GTF2F2: variants seen among roughly 807,000 people sequenced by gnomAD.
The protein encoded by GTF2F2 is ATP-dependent helicase GTF2F2.
GTF2F2 carries 23 observed loss-of-function variants against 42.2 expected under a neutral mutation model. The ratio of observed to expected loss-of-function variants is 0.55; its 90% CI spans 0.39 to 0.77. The LOEUF is 0.77. GTF2F2 is among the 30% of genes least tolerant of loss of function. The pLI is 0.00. For synonymous variants in GTF2F2, 105 were observed against 100.8 expected (o/e 1.04, Z -0.25); for missense variants, 261 against 287.2 (o/e 0.91, Z 0.66).
intron 7 of GTF2F2, among the ~76,000 whole-genome samples, chr13:45,282,876 TAAC>T (rs1451991398): frequency 6.6e-6 from 1 of 152,188 alleles, no homozygotes; most frequent in Non-Finnish European, 1.5e-5. Flanking sequence ...TAAATACAAA[TAAC>T]AACTCTCCTT....
chr13:45,155,978 CT>C lies in GTF2F2; in HGVS notation c.304+4157del, dbSNP rs112988251. Reference sequence around the variant, plus strand: ...CTTTTATTCAAAGTTAGATTTTCTTCTTTTTTTTTTAGAGGCAGTGTCTCAC... The same window carrying C: ...CTTTTATTCAAAGTTAGATTTTCTTCTTTTTTTTTAGAGGCAGTGTCTCAC... On this transcript the variant is annotated intron_variant, in intron 4 of 7. Coordinates refer to ENST00000340473, the MANE Select transcript of GTF2F2 (RefSeq NM_004128.3). Among the ~76,000 whole-genome samples, 349 of 148,058 alleles carry C rather than the reference CT, an allele frequency of 2.4e-3. 3 individuals carry two copies. Among genetic ancestry groups the C allele is most frequent in the African/African-American group, 7.7e-3 (314 of 40,594 alleles).
chr13:45,218,062 G>A (rs1202399155), intron 5 of GTF2F2, among the ~76,000 whole-genome samples: 6 of 152,142 alleles, frequency 3.9e-5, no homozygotes, highest in Non-Finnish European at 2.9e-5. Flanking sequence ...TCTCCCCATG[G>A]GAAAGAAAGA....
intron 5 of GTF2F2, among the ~76,000 whole-genome samples, chr13:45,212,485 T>TTC (rs1873712645): frequency 7.4e-6 from 1 of 136,044 alleles, no homozygotes; most frequent in Middle Eastern, 3.4e-3. Flanking sequence ...CTTTCTTTCT[T>TTC]TCTTTCTTTC....
chr13:45,130,753 G>C (rs1032880954), intron 1 of GTF2F2, among the ~76,000 whole-genome samples: 15 of 152,192 alleles, frequency 9.9e-5, no homozygotes, highest in African/African-American at 3.6e-4. Flanking sequence ...ATTGCAGCAG[G>C]AGCAAGGTTT....
intron 4 of GTF2F2, among the ~76,000 whole-genome samples, chr13:45,198,498 G>A (rs1195415685): frequency 2.6e-5 from 4 of 152,150 alleles, no homozygotes; most frequent in East Asian, 1.9e-4. Flanking sequence ...TAGAAGCTGC[G>A]TTTGATAAGA....
At chr13:45,237,203 TGATTATAA>T (rs759976201) in intron 5 of GTF2F2, among the ~76,000 whole-genome samples, 10 of 152,210 alleles carry the variant, frequency 6.6e-5, no homozygotes, top group Non-Finnish European at 1.3e-4. Flanking sequence ...AAATTATAAT[TGATTATAA>T]TTAGCACTTC....
At chr13:45,160,178 C>T (rs540717655) in intron 4 of GTF2F2, among the ~76,000 whole-genome samples, 1 of 152,222 alleles carries the variant, frequency 6.6e-6, no homozygotes, top group Middle Eastern at 3.4e-3. Flanking sequence ...GGGAAGAGTG[C>T]CATTTTGCAG....
chr13:45,181,200 A>ACAAAC (rs1555267024), intron 4 of GTF2F2, among the ~76,000 whole-genome samples: 5 of 132,828 alleles, frequency 3.8e-5, no homozygotes, highest in African/African-American at 1.4e-4. Context: ...AAAAAAAAAA[A>ACAAAC]AAACCAGAAA....
chr13:45,135,036 C>G lies in GTF2F2; in HGVS notation c.67-1697C>G, dbSNP rs183908678. Among the ~76,000 whole-genome samples, 20 of 152,144 alleles carry G rather than the reference C, an allele frequency of 1.3e-4. No individual in the cohort carries two copies. The East Asian group carries it at 3.7e-3, about 28-fold the overall frequency. ...TGGTGTAATCTCAGCTCACTGCAAC[C>G]TCCACCTCCTGGGTTCAAGCAATTC... is the stretch of plus-strand genomic sequence containing the variant. On this transcript the variant is annotated intron_variant, in intron 1 of 7. Coordinates refer to ENST00000340473, the MANE Select transcript of GTF2F2 (RefSeq NM_004128.3).
intron 2 of GTF2F2, among the ~76,000 whole-genome samples, chr13:45,143,160 A>G (rs1440488309): frequency 6.6e-6 from 1 of 152,224 alleles, no homozygotes; most frequent in Non-Finnish European, 1.5e-5. Flanking sequence ...GAGAAGATGT[A>G]GGGCAGACCA....
At chr13:45,242,416 C>G (rs533615051) in intron 5 of GTF2F2, among the ~76,000 whole-genome samples, 2 of 152,090 alleles carry the variant, frequency 1.3e-5, no homozygotes, top group South Asian at 4.2e-4. Flanking sequence ...CTCCCCCTTT[C>G]AAAAATGAAA....
chr13:45,272,929 T>TC, intron 7 of GTF2F2, among the ~76,000 whole-genome samples: 1 of 127,268 alleles, frequency 7.9e-6, no homozygotes, highest in Non-Finnish European at 1.7e-5. Context: ...CTAATTTTTT[T>TC]TTTTTTTTTT....
chr13:45,247,940 G>A (rs1032440691), intron 5 of GTF2F2, among the ~76,000 whole-genome samples: 3 of 151,514 alleles, frequency 2.0e-5, no homozygotes, highest in Non-Finnish European at 4.4e-5. Context: ...TACCTTCTGG[G>A]TTCAAGCAAT....
At chr13:45,220,937 ATGTG>A (rs145850282) in intron 5 of GTF2F2, 30,336 of 144,228 alleles carry the variant, frequency 0.21, 3,178 homozygotes, top group Non-Finnish European at 0.23. Context: ...CTTAAAATGT[ATGTG>A]TGTGTGTGTG....
At chr13:45,279,118 C>T (rs1311730819) in intron 7 of GTF2F2, among the ~76,000 whole-genome samples, 12 of 152,158 alleles carry the variant, frequency 7.9e-5, no homozygotes, top group Non-Finnish European at 1.8e-4. Flanking sequence ...CCATCACACC[C>T]GGCGTAATAT....
chr13:45,127,892 A>G (rs1375078989), intron 1 of GTF2F2, among the ~76,000 whole-genome samples: 1 of 140,816 alleles, frequency 7.1e-6, no homozygotes, highest in East Asian at 2.0e-4. Context: ...CAGCCTCCCA[A>G]AGTGCTAGGA....
chr13:45,193,658 A>C, intron 4 of GTF2F2: 1 of 778,624 alleles, frequency 1.3e-6, no homozygotes, highest in Middle Eastern at 3.2e-4. Flanking sequence ...GTTAGCTCAC[A>C]GTAATTGATT....
intron 4 of GTF2F2, among the ~76,000 whole-genome samples, chr13:45,199,518 AG>A (rs1252317799): frequency 6.6e-6 from 1 of 152,090 alleles, no homozygotes; most frequent in Non-Finnish European, 1.5e-5. Flanking sequence ...TTAAAAATGA[AG>A]TTTTTTTTTG....
chr13:45,266,609 A>G (rs537606717), intron 6 of GTF2F2, among the ~76,000 whole-genome samples: 1 of 152,312 alleles, frequency 6.6e-6, no homozygotes, highest in Admixed American at 6.5e-5. Flanking sequence ...GTTTTCGATC[A>G]ACACAAGATA....
Sources: gnomAD v4.1 joint callset for allele counts (sites outside exome capture counted in the v4.1 genomes callset) on GRCh38, gnomAD v4.1.1 for gene constraint, MANE v1.5 for transcripts, NCBI Gene and HGNC (gene_info 2026-07-23, HGNC 2026-07-21) for gene names.